PRKCA: variants seen among roughly 807,000 people sequenced by gnomAD.
The protein encoded by PRKCA is protein kinase C alpha type.
PRKCA carries 27 observed loss-of-function variants against 87.0 expected under a neutral mutation model. The observed-to-expected ratio is 0.31, with a 90% CI of 0.23 to 0.43. PRKCA has a LOEUF of 0.43. Among genes scored for constraint, PRKCA ranks in the 20% least tolerant of loss-of-function variants. The pLI, the probability that PRKCA is intolerant of heterozygous loss-of-function variation, is 1.00. For synonymous variants in PRKCA, 329 were observed against 311.1 expected (o/e 1.06, Z -0.61); for missense variants, 518 against 852.3 (o/e 0.61, Z 4.88).
Position 66,683,979 on chromosome 17 carries a change from T to C in PRKCA, c.530-3132T>C, listed in dbSNP as rs565601287. Among the ~76,000 whole-genome samples the C allele has an allele frequency of 2.6e-4, 39 of 152,320 alleles. No individual in the cohort carries two copies. In the South Asian group the frequency reaches 7.9e-3, roughly 31 times the overall value. ...AATTTTCCTCTTATTTTCTCTTTCC[T>C]AGCTTCCCCAGCTTCCCCTCTTCCA... On this transcript the variant is annotated intron_variant, in intron 5 of 16. Coordinates refer to ENST00000413366, the MANE Select transcript of PRKCA (RefSeq NM_002737.3).
chr17:66,797,349 G>A (rs747650359), intron 16 of PRKCA, among the ~76,000 whole-genome samples: 26 of 152,214 alleles, frequency 1.7e-4, no homozygotes, highest in South Asian at 6.2e-4. Context: ...TCTTGGGTCC[G>A]TTGCATTCAT....
intron 3 of PRKCA, among the ~76,000 whole-genome samples, chr17:66,584,172 A>G (rs926969787): frequency 6.6e-6 from 1 of 152,136 alleles, no homozygotes; most frequent in African/African-American, 2.4e-5. Context: ...GTAACAAATT[A>G]TCACCATCTG....
intron 2 of PRKCA, among the ~76,000 whole-genome samples, chr17:66,390,926 A>T (rs559394866): frequency 0.048 from 6,856 of 141,980 alleles, 349 homozygotes; most frequent in African/African-American, 0.13. Context: ...ACCAAGTAGC[A>T]GAGGAAACTC....
intron 3 of PRKCA, among the ~76,000 whole-genome samples, chr17:66,537,558 C>T (rs1598749721): frequency 1.3e-5 from 2 of 152,120 alleles, no homozygotes; most frequent in African/African-American, 2.4e-5. Context: ...ATCCGAATGC[C>T]GTGTGGTCTT....
chr17:66,793,093 C>T (rs1002565987), intron 16 of PRKCA, among the ~76,000 whole-genome samples: 7 of 152,236 alleles, frequency 4.6e-5, no homozygotes, highest in Admixed American at 2.0e-4. Flanking sequence ...CAGCCAACAA[C>T]TAGCTCTTCC....
Position 66,708,659 on chromosome 17 carries a change from A to C in PRKCA, c.918+19612A>C, listed in dbSNP as rs181433030. On this transcript the variant is annotated intron_variant, in intron 8 of 16. Transcript: ENST00000413366. ...GGCAGTTGGAGATAGGAACCTCCTA[A>C]AGTCATGCCATATACTTCTCAGGGC... 1.1e-3 allele frequency among the ~76,000 whole-genome samples: 174 copies of C among 152,260 alleles called. 1 individual carries two copies. The highest frequency in any genetic ancestry group is 4.0e-3 in the African/African-American group (168 of 41,558).
chr17:66,349,363 T>C (rs982951286), intron 2 of PRKCA, among the ~76,000 whole-genome samples: 3 of 152,134 alleles, frequency 2.0e-5, no homozygotes, highest in African/African-American at 7.2e-5. Flanking sequence ...CCTACCCTGC[T>C]ACCCCCCGCA....
intron 2 of PRKCA, among the ~76,000 whole-genome samples, chr17:66,330,215 C>T (rs981685588): frequency 1.3e-5 from 2 of 151,812 alleles, no homozygotes; most frequent in African/African-American, 4.8e-5. Context: ...AAGAGATTCT[C>T]CTGCCTTAGC....
chr17:66,674,566 C>T lies in PRKCA; in HGVS notation c.530-12545C>T, dbSNP rs115648735. The stretch of plus-strand genomic sequence containing the variant: ...ACCAATGCCAGCTCCTAAGTCATAC[C>T]AGCATCTGCTAGGGGAATGTGGGCC... On this transcript the variant is annotated intron_variant, in intron 5 of 16. Transcript: ENST00000413366. Among the ~76,000 whole-genome samples, 1,353 of 152,234 alleles carry T rather than the reference C, an allele frequency of 8.9e-3. 17 individuals carry two copies. The highest frequency in any genetic ancestry group is 0.031 in the African/African-American group (1,278 of 41,530).
chr17:66,609,298 C>T (rs75193114), intron 3 of PRKCA, among the ~76,000 whole-genome samples: 2,783 of 152,146 alleles, frequency 0.018, 38 homozygotes, highest in South Asian at 0.043. Context: ...ACATAGGTTA[C>T]GGGGCTACTA....
intron 16 of PRKCA, among the ~76,000 whole-genome samples, chr17:66,795,675 C>T (rs1975647149): frequency 1.3e-5 from 2 of 152,208 alleles, no homozygotes; most frequent in African/African-American, 4.8e-5. Context: ...AATACAGACC[C>T]TGTGTACATC....
rs745806162 is a variant in PRKCA, at chr17:66,784,734, G to A, written c.1606-2133G>A. On this transcript the variant is annotated intron_variant, in intron 14 of 16. Coordinates refer to ENST00000413366, the MANE Select transcript of PRKCA (RefSeq NM_002737.3). ...CAAGGATGACCTGCACTGTAGCTCC[G>A]TCACAGCTCTCCCCCACCACTGCCT... Among the ~76,000 whole-genome samples, 9 of 152,298 alleles carry A rather than the reference G, an allele frequency of 5.9e-5. No individual in the cohort carries two copies. The South Asian group carries it at 8.3e-4, about 14-fold the overall frequency.
chr17:66,364,615 T>C (rs566125714), intron 2 of PRKCA, among the ~76,000 whole-genome samples: 1 of 152,040 alleles, frequency 6.6e-6, no homozygotes, highest in South Asian at 2.1e-4. Flanking sequence ...GTGATTGAAG[T>C]AGGGGGAGTG....
At chr17:66,402,276 G>GAAA (rs1911078062) in intron 2 of PRKCA, among the ~76,000 whole-genome samples, 1 of 152,140 alleles carries the variant, frequency 6.6e-6, no homozygotes, top group African/African-American at 2.4e-5. Context: ...TAGGACCTTT[G>GAAA]TCCAGGCGGT....
intron 2 of PRKCA, among the ~76,000 whole-genome samples, chr17:66,396,346 A>G (rs191676053): frequency 2.0e-5 from 3 of 152,088 alleles, no homozygotes; most frequent in Non-Finnish European, 4.4e-5. Context: ...CACTAGGCAA[A>G]ATTTTTCTAA....
At chr17:66,761,228 G>A (rs1974675617) in intron 13 of PRKCA, among the ~76,000 whole-genome samples, 1 of 151,568 alleles carries the variant, frequency 6.6e-6, no homozygotes, top group South Asian at 2.1e-4. Flanking sequence ...AAATTAGCCG[G>A]GTGTGGTGGC....
At chr17:66,509,224 T>A (rs1317463321) in intron 3 of PRKCA, among the ~76,000 whole-genome samples, 2 of 151,386 alleles carry the variant, frequency 1.3e-5, no homozygotes, top group Admixed American at 1.3e-4. Flanking sequence ...AGATTTAATA[T>A]AAGATGTTGA....
In PRKCA at chr17:66,436,866, T is replaced by C. The variant is rs190082494; in HGVS notation, c.206-59335T>C. Reference sequence around the variant, plus strand: ...GAGAATTTTTTTTAAAGATGTCGTATAAGTCAGATACAATGAGAATTAAGT... The same window carrying C: ...GAGAATTTTTTTTAAAGATGTCGTACAAGTCAGATACAATGAGAATTAAGT... On this transcript the variant is annotated intron_variant, in intron 2 of 16. Coordinates refer to ENST00000413366, the MANE Select transcript of PRKCA (RefSeq NM_002737.3). 3.0e-3 allele frequency among the ~76,000 whole-genome samples: 459 copies of C among 152,244 alleles called. 2 individuals carry two copies. Among genetic ancestry groups the C allele is most frequent in the African/African-American group, 0.011 (445 of 41,566 alleles).
At chr17:66,421,699 AT>A (rs775159872) in intron 2 of PRKCA, among the ~76,000 whole-genome samples, 12,583 of 136,304 alleles carry the variant, frequency 0.092, 921 homozygotes, top group African/African-American at 0.22. Flanking sequence ...GGCCTGGCTA[AT>A]TTTTTTTTTT....
Sources: gnomAD v4.1 joint callset for allele counts (sites outside exome capture counted in the v4.1 genomes callset) on GRCh38, gnomAD v4.1.1 for gene constraint, MANE v1.5 for transcripts, NCBI Gene and HGNC (gene_info 2026-07-23, HGNC 2026-07-21) for gene names.